Variants in LYPLA2 observed in about 807,000 individuals in gnomAD.
LYPLA2 encodes acyl-protein thioesterase 2.
LYPLA2 carries 7 observed loss-of-function variants against 30.3 expected under a neutral mutation model. The ratio of observed to expected loss-of-function variants is 0.23; its 90% CI spans 0.13 to 0.43. LYPLA2 has a LOEUF of 0.43. Ranked by LOEUF, LYPLA2 falls within the 20% of genes least tolerant of loss-of-function variation. The probability of loss-of-function intolerance (pLI) is 1.00; values close to 1 mark genes in which losing one functional copy is unlikely to be tolerated. For synonymous variants in LYPLA2, 112 were observed against 118.2 expected (o/e 0.95, Z 0.34); for missense variants, 206 against 307.9 (o/e 0.67, Z 2.48).
chr1:23,794,924 T>C lies in LYPLA2; in HGVS notation c.*192T>C. ...TCCTGGCCTTAGCCACCTGGCTCTG[T>C]CTGCAGCAGGGGCAGGCTGCTTTCT... On this transcript the variant is annotated 3_prime_UTR_variant, in exon 10 of 10. Transcript: ENST00000374514. This position sits in a 1 kb window ranked among gnomAD's most constrained non-coding sequence, Gnocchi z 5.9. The C allele has an allele frequency of 1.4e-6, 1 of 729,398 alleles. No homozygotes were observed. Among genetic ancestry groups the C allele is most frequent in the East Asian group, 2.7e-5 (1 of 37,292 alleles). 45.2% of individuals were successfully genotyped at this position (729,398 alleles called of 1,614,324 possible). A position where few individuals can be genotyped will look rare whatever the true frequency, so the allele number is the denominator to read the frequency against.
In LYPLA2 at chr1:23,795,114, C is replaced by T; in HGVS notation, c.*382C>T. 1 of 407,276 alleles carries T rather than the reference C, an allele frequency of 2.5e-6. No individual in the cohort carries two copies. The highest frequency in any genetic ancestry group is 4.7e-6 in the Non-Finnish European group (1 of 213,566). The allele number at this position is 407,276 out of a possible 1,614,324, so 25.2% of individuals were successfully genotyped here. A position where few individuals can be genotyped will look rare whatever the true frequency, so the allele number is the denominator to read the frequency against. On this transcript the variant is annotated 3_prime_UTR_variant, in exon 10 of 10. Coordinates refer to ENST00000374514, the MANE Select transcript of LYPLA2 (RefSeq NM_007260.3). ...CAGGGTTTGGCCCATGGGGCCCCCCCAGGCCCCTGCCCCAACTGATTCTGC... is the reference window on the plus strand; with the variant it reads ...CAGGGTTTGGCCCATGGGGCCCCCCTAGGCCCCTGCCCCAACTGATTCTGC...
chr1:23,794,146 GAGGGGTGGGGGGGTAGGGGGT>G lies in LYPLA2; in HGVS notation c.369+19_369+39del. 1.3e-6 allele frequency: 2 copies of G among 1,559,612 alleles called. No individual in the cohort carries two copies. Among genetic ancestry groups the G allele is most frequent in the Non-Finnish European group, 1.8e-6 (2 of 1,132,858 alleles). ...GGGAGGCTTTTCACAGGTGAGGGGA[GAGGGGTGGGGGGGTAGGGGGT>G]AGGGGTGGCCGGTGAGTGAGCTGTG... On this transcript the variant is annotated intron_variant, in intron 7 of 9. Coordinates refer to ENST00000374514, the MANE Select transcript of LYPLA2 (RefSeq NM_007260.3). This position sits in a 1 kb window ranked among gnomAD's most constrained non-coding sequence, Gnocchi z 5.9.
chr1:23,793,232 G>C lies in LYPLA2; in HGVS notation c.176+16G>C. Reference sequence around the variant, plus strand: ...GTCCCCATGCGTGAGTGTCACCCCAGCAAGGGAGGGGCTGAGGCTGGGGAT... The same window carrying C: ...GTCCCCATGCGTGAGTGTCACCCCACCAAGGGAGGGGCTGAGGCTGGGGAT... On this transcript the variant is annotated intron_variant, in intron 4 of 9. Coordinates refer to ENST00000374514, the MANE Select transcript of LYPLA2 (RefSeq NM_007260.3). This position sits in a 1 kb window ranked among gnomAD's most constrained non-coding sequence, Gnocchi z 6.0. The C allele has an allele frequency of 6.2e-7, 1 of 1,612,310 alleles. No individual in the cohort carries two copies. Among genetic ancestry groups the C allele is most frequent in the Non-Finnish European group, 8.5e-7 (1 of 1,179,262 alleles).
chr1:23,794,450 C>A lies in LYPLA2; in HGVS notation c.495C>A (p.Asp165Glu). Reference sequence around the variant, plus strand: ...AGGCAGCTAATGGCAGTGCCAAGGACCTGGCCATACTCCAGTGCCATGGGG... The same window carrying A: ...AGGCAGCTAATGGCAGTGCCAAGGAACTGGCCATACTCCAGTGCCATGGGG... ...FPQAANGSAK[D>E]LAILQCHGEL... The change falls in exon 9 of 10, where the codon GAC becomes GAA. Residue 165 changes from aspartate (D) to glutamate (E), a missense_variant. By Grantham distance (45) the Asp-to-Glu change is conservative. Coordinates refer to ENST00000374514, the MANE Select transcript of LYPLA2 (RefSeq NM_007260.3). The surrounding 1 kb of genome is among the most constrained non-coding windows in gnomAD (Gnocchi z 5.9). 6.2e-7 allele frequency: 1 copy of A among 1,614,058 alleles called. No individual in the cohort carries two copies. Among genetic ancestry groups the A allele is most frequent in the Non-Finnish European group, 8.5e-7 (1 of 1,179,994 alleles).
rs2232984 is a variant in LYPLA2 at position 23,794,829 on chromosome 1, C to T, written c.*97C>T. 2,281 of 1,401,484 alleles carry T rather than the reference C, an allele frequency of 1.6e-3. 5 individuals are homozygous for T. The highest frequency in any genetic ancestry group is 2.2e-3 in the Non-Finnish European group (2,189 of 1,003,908). The allele number at this position is 1,401,484 out of a possible 1,614,324, so 86.8% of individuals were successfully genotyped here. ...TCTGAGCCGGTCGAGCCCCTGTCCC[C>T]ACCCTTCCTGACCTGTCCTTTTCCC... On this transcript the variant is annotated 3_prime_UTR_variant, in exon 10 of 10. Transcript: ENST00000374514. The surrounding 1 kb of genome is among the most constrained non-coding windows in gnomAD (Gnocchi z 5.9).
chr1:23,793,162 C>T lies in LYPLA2; in HGVS notation c.122C>T (p.Ala41Val). 1 of 1,614,068 alleles carries T rather than the reference C, an allele frequency of 6.2e-7. No individual in the cohort carries two copies. The highest frequency in any genetic ancestry group is 8.5e-7 in the Non-Finnish European group (1 of 1,179,938). ...HGLGDTGHSW[A>V]DALSTIRLPH... The stretch of plus-strand genomic sequence containing the variant: ...CGTCCCTCCTACAGGCACAGCTGGG[C>T]TGACGCCCTCTCCACCATCCGGCTC... The change falls in exon 4 of 10, where the codon GCT becomes GTT. Residue 41 changes from alanine to valine, a missense_variant. Transcript: ENST00000374514. This position sits in a 1 kb window ranked among gnomAD's most constrained non-coding sequence, Gnocchi z 6.0.
intron 2 of LYPLA2, 32 bp downstream of exon 2, chr1:23,792,792 C>A: frequency 6.3e-7 from 1 of 1,578,180 alleles, no homozygotes; most frequent in Non-Finnish European, 8.7e-7. Flanking sequence ...CGGCCAGACA[C>A]TGTGGGAGCA....
Position 23,795,439 on chromosome 1 carries a change from G to T in LYPLA2, c.*707G>T, listed in dbSNP as rs1036868191. 16 of 214,612 alleles carry T rather than the reference G, an allele frequency of 7.5e-5. No homozygotes were observed. Among genetic ancestry groups the T allele is most frequent in the Non-Finnish European group, 1.4e-4 (15 of 105,428 alleles). The allele number at this position is 214,612 out of a possible 1,614,324, so 13.3% of individuals were successfully genotyped here. ...CCCCACTCTAGAGCAGGGAGGCAGTGGGGGAGGAGTTGTGTCTCGTCTTCT... is the reference window on the plus strand; with the variant it reads ...CCCCACTCTAGAGCAGGGAGGCAGTTGGGGAGGAGTTGTGTCTCGTCTTCT... On this transcript the variant is annotated 3_prime_UTR_variant, in exon 10 of 10. Coordinates refer to ENST00000374514, the MANE Select transcript of LYPLA2 (RefSeq NM_007260.3).
chr1:23,792,282 T>C (rs1476459243), intron 1 of LYPLA2, among the ~76,000 whole-genome samples: 2 of 151,570 alleles, frequency 1.3e-5, no homozygotes, highest in Non-Finnish European at 2.9e-5. Context: ...CCAGGGATGA[T>C]TGGAGAGGAG....
rs1486756292 is a variant in LYPLA2, at chr1:23,794,374, G to C, written c.471+49G>C. Reference sequence around the variant, plus strand: ...CGCCCTTTGTGTCTGCATCCTCGTGGCTTGGGGACTGCTGCAGCACTAGCT... The same window carrying C: ...CGCCCTTTGTGTCTGCATCCTCGTGCCTTGGGGACTGCTGCAGCACTAGCT... On this transcript the variant is annotated intron_variant, in intron 8 of 9. Coordinates refer to ENST00000374514, the MANE Select transcript of LYPLA2 (RefSeq NM_007260.3). The surrounding 1 kb of genome is among the most constrained non-coding windows in gnomAD (Gnocchi z 5.9). 13 of 1,608,954 alleles carry C rather than the reference G, an allele frequency of 8.1e-6. No homozygotes were observed. Among genetic ancestry groups the C allele is most frequent in the Middle Eastern group, 1.6e-4 (1 of 6,078 alleles).
In LYPLA2 at chr1:23,794,161, A is replaced by C. The variant is rs899749489; in HGVS notation, c.369+25A>C. Reference sequence around the variant, plus strand: ...GGTGAGGGGAGAGGGGTGGGGGGGTAGGGGGTAGGGGTGGCCGGTGAGTGA... The same window carrying C: ...GGTGAGGGGAGAGGGGTGGGGGGGTCGGGGGTAGGGGTGGCCGGTGAGTGA... On this transcript the variant is annotated intron_variant, in intron 7 of 9. Coordinates refer to ENST00000374514, the MANE Select transcript of LYPLA2 (RefSeq NM_007260.3). This position sits in a 1 kb window ranked among gnomAD's most constrained non-coding sequence, Gnocchi z 5.9. 9 of 190,378 alleles carry C rather than the reference A, an allele frequency of 4.7e-5. No individual in the cohort carries two copies. Among genetic ancestry groups the C allele is most frequent in the African/African-American group, 2.0e-4 (4 of 20,242 alleles). The allele number at this position is 190,378 out of a possible 1,614,324, so 11.8% of individuals were successfully genotyped here. A position where few individuals can be genotyped will look rare whatever the true frequency, so the allele number is the denominator to read the frequency against.
chr1:23,794,931 C>G lies in LYPLA2; in HGVS notation c.*199C>G. ...CTTAGCCACCTGGCTCTGTCTGCAGCAGGGGCAGGCTGCTTTCTTATCCAT... is the reference window on the plus strand; with the variant it reads ...CTTAGCCACCTGGCTCTGTCTGCAGGAGGGGCAGGCTGCTTTCTTATCCAT... On this transcript the variant is annotated 3_prime_UTR_variant, in exon 10 of 10. Transcript: ENST00000374514. This position sits in a 1 kb window ranked among gnomAD's most constrained non-coding sequence, Gnocchi z 5.9. 1.4e-6 allele frequency: 1 copy of G among 718,156 alleles called. No homozygotes were observed. 44.5% of individuals were successfully genotyped at this position (718,156 alleles called of 1,614,324 possible).
At position 23,795,098 on chromosome 1, in the gene LYPLA2, G is replaced by T; in HGVS notation, c.*366G>T. On this transcript the variant is annotated 3_prime_UTR_variant, in exon 10 of 10. Coordinates refer to ENST00000374514, the MANE Select transcript of LYPLA2 (RefSeq NM_007260.3). Reference sequence around the variant, plus strand: ...CCCCCTCCTGTGACCTCAGGGTTTGGCCCATGGGGCCCCCCCAGGCCCCTG... The same window carrying T: ...CCCCCTCCTGTGACCTCAGGGTTTGTCCCATGGGGCCCCCCCAGGCCCCTG... 2.3e-6 allele frequency: 1 copy of T among 444,332 alleles called. No individual in the cohort carries two copies. Among genetic ancestry groups the T allele is most frequent in the Non-Finnish European group, 4.2e-6 (1 of 235,634 alleles). 27.5% of individuals were successfully genotyped at this position (444,332 alleles called of 1,614,324 possible). A position where few individuals can be genotyped will look rare whatever the true frequency, so the allele number is the denominator to read the frequency against.
Position 23,794,085 on chromosome 1 carries a change from A to C in LYPLA2, c.318A>C (p.Glu106Asp). The C allele has an allele frequency of 6.2e-7, 1 of 1,611,452 alleles. No individual in the cohort carries two copies. The highest frequency in any genetic ancestry group is 8.5e-7 in the Non-Finnish European group (1 of 1,178,920). ...AENIKALIEH[E>D]MKNGIPANRI... ...CAGTCAAGGCCTTGATTGAGCATGAAATGAAGAACGGGATCCCTGCCAATC... is the reference window on the plus strand; with the variant it reads ...CAGTCAAGGCCTTGATTGAGCATGACATGAAGAACGGGATCCCTGCCAATC... The change falls in exon 7 of 10, where the codon GAA becomes GAC. Residue 106 changes from glutamate to aspartate, a missense_variant. Physicochemically the swap from Glu to Asp is conservative, Grantham distance 45. Transcript: ENST00000374514. This position sits in a 1 kb window ranked among gnomAD's most constrained non-coding sequence, Gnocchi z 5.9.
intron 1 of LYPLA2, among the ~76,000 whole-genome samples, chr1:23,791,706 C>T (rs544253515): frequency 1.3e-5 from 2 of 152,082 alleles, no homozygotes; most frequent in South Asian, 4.2e-4. Context: ...GCGGGAGGTG[C>T]AAGTCCCCAC....
In LYPLA2 at chr1:23,794,444, C is replaced by G; in HGVS notation, c.489C>G (p.Ala163=). The G allele has an allele frequency of 6.2e-7, 1 of 1,614,012 alleles. No individual in the cohort carries two copies. The highest frequency in any genetic ancestry group is 8.5e-7 in the Non-Finnish European group (1 of 1,179,978). The part of the protein sequence containing the change: ...RAFPQAANGS[A]KDLAILQCHG... ...GCCTCCAGGCAGCTAATGGCAGTGC[C>G]AAGGACCTGGCCATACTCCAGTGCC... Residue 163 remains alanine, a synonymous_variant, in exon 9 of 10, where the codon GCC becomes GCG. Coordinates refer to ENST00000374514, the MANE Select transcript of LYPLA2 (RefSeq NM_007260.3). The surrounding 1 kb of genome is among the most constrained non-coding windows in gnomAD (Gnocchi z 5.9).
rs540828493 is a variant in LYPLA2, at chr1:23,793,500, C to A, written c.177-205C>A. Among the ~76,000 whole-genome samples the A allele has an allele frequency of 8.5e-5, 13 of 152,322 alleles. No homozygotes were observed. Among genetic ancestry groups the A allele is most frequent in the African/African-American group, 3.1e-4 (13 of 41,584 alleles). On this transcript the variant is annotated intron_variant, in intron 4 of 9. Transcript: ENST00000374514. The surrounding 1 kb of genome is among the most constrained non-coding windows in gnomAD (Gnocchi z 6.0). Reference sequence around the variant, plus strand: ...CTACCTGGGACCCCGTCACACCAAGCGCTGGGCTCTGCTTCTCCATTACTG... The same window carrying A: ...CTACCTGGGACCCCGTCACACCAAGAGCTGGGCTCTGCTTCTCCATTACTG...
intron 1 of LYPLA2, 161 bp from the exon 2 acceptor site, chr1:23,792,496 G>A: frequency 8.3e-6 from 5 of 604,056 alleles, no homozygotes; most frequent in Non-Finnish European, 1.5e-5. Context: ...TGGAACTGAG[G>A]CAGACTTCTT....
Position 23,794,001 on chromosome 1 carries a change from C to T in LYPLA2, c.296-62C>T. 1.3e-6 allele frequency: 2 copies of T among 1,594,298 alleles called. No individual in the cohort carries two copies. Among genetic ancestry groups the T allele is most frequent in the Admixed American group, 1.7e-5 (1 of 59,982 alleles). ...AGGAAAGCGCTGGGCGGTTCCTCAG[C>T]CTAGCTCCCTTATTGGGCCCCTTGG... On this transcript the variant is annotated intron_variant, in intron 6 of 9. Transcript: ENST00000374514. This position sits in a 1 kb window ranked among gnomAD's most constrained non-coding sequence, Gnocchi z 5.9.
Sources: gnomAD v4.1 joint callset for allele counts (sites outside exome capture counted in the v4.1 genomes callset) on GRCh38, gnomAD v4.1.1 for gene constraint, Gnocchi (gnomAD v3.1) non-coding constraint, MANE v1.5 for transcripts, NCBI Gene and HGNC (gene_info 2026-07-23, HGNC 2026-07-21) for gene names.